Variants in MKRN3 observed in about 807,000 individuals in gnomAD.
MKRN3 encodes the protein makorin ring finger protein 3, also known as E3 ubiquitin-protein ligase makorin-3.
For synonymous variants in MKRN3, 301 were observed against 250.2 expected, an observed-to-expected ratio of 1.20 and a Z score of -1.91; for missense variants, 749 against 667.0, an observed-to-expected ratio of 1.12 and a Z score of -1.35.
chr15:23,567,064 G>A lies in MKRN3; in HGVS notation c.1282G>A (p.Asp428Asn), dbSNP rs772639355. The change falls in exon 1 of 1, where the codon GAT becomes AAT. Residue 428 changes from aspartate to asparagine, a missense_variant. Coordinates refer to ENST00000314520, the MANE Select transcript of MKRN3 (RefSeq NM_005664.4). Reference protein sequence around the residue: ...YKHEYPEGWGDEPPGPGGGSF... With the variant: ...YKHEYPEGWGNEPPGPGGGSF... The stretch of plus-strand genomic sequence containing the variant: ...GCATGAATACCCTGAGGGCTGGGGA[G>A]ATGAGCCTCCTGGGCCAGGTGGTGG... 3.1e-6 allele frequency: 5 copies of A among 1,614,146 alleles called. No individual in the cohort carries two copies. The South Asian group carries it at 5.5e-5, about 18-fold the overall frequency.
In MKRN3 at chr15:23,567,853, C is replaced by T; in HGVS notation, c.*547C>T. On this transcript the variant is annotated 3_prime_UTR_variant, in exon 1 of 1. Transcript: ENST00000314520. ...GTGTATATGTTTACATGTTTTTATC[C>T]TGTTTAGCTTGACATGAAATAATTT... 3 of 979,324 alleles carry T rather than the reference C, an allele frequency of 3.1e-6. No individual in the cohort carries two copies. Among genetic ancestry groups the T allele is most frequent in the South Asian group, 9.6e-5 (2 of 20,838 alleles). The allele number at this position is 979,324 out of a possible 1,614,324, so 60.7% of individuals were successfully genotyped here. A position where few individuals can be genotyped will look rare whatever the true frequency, so the allele number is the denominator to read the frequency against.
Position 23,566,716 on chromosome 15 carries a change from G to A in MKRN3, c.934G>A (p.Gly312Ser). 3.1e-6 allele frequency: 5 copies of A among 1,614,194 alleles called. No individual in the cohort carries two copies. The highest frequency in any genetic ancestry group is 4.2e-6 in the Non-Finnish European group (5 of 1,180,034). Reference protein sequence around the residue: ...AVQRGMDKVCGICMEVVYEKA... With the variant: ...AVQRGMDKVCSICMEVVYEKA... ...GCAGCGTGGTATGGACAAGGTGTGT[G>A]GCATCTGCATGGAGGTTGTCTATGA... The change falls in exon 1 of 1, where the codon GGC (glycine) becomes AGC (serine). Residue 312 changes from glycine (G) to serine (S), a missense_variant. Coordinates refer to ENST00000314520, the MANE Select transcript of MKRN3 (RefSeq NM_005664.4).
In MKRN3 at chr15:23,565,858, G is replaced by T. The variant is rs775658321; in HGVS notation, c.76G>T (p.Gly26Cys). Residue 26 changes from glycine (G) to cysteine (C), a missense_variant, in exon 1 of 1, where the codon GGT (glycine) becomes TGT (cysteine). Coordinates refer to ENST00000314520, the MANE Select transcript of MKRN3 (RefSeq NM_005664.4). ...GGCAGGTGCTGAGGCAGCAAGGGAG[G>T]GTGTGTCTGGGCCGGACCTTCCCGT... Reference protein sequence around the residue: ...AQAGAEAAREGVSGPDLPVCE... With the variant: ...AQAGAEAARECVSGPDLPVCE... 1.2e-5 allele frequency: 20 copies of T among 1,613,672 alleles called. No homozygotes were observed. The highest frequency in any genetic ancestry group is 1.7e-5 in the Admixed American group (1 of 60,004).
In MKRN3 at chr15:23,565,760, C is replaced by T. The variant is rs779542026; in HGVS notation, c.-23C>T. On this transcript the variant is annotated 5_prime_UTR_variant, in exon 1 of 1. Coordinates refer to ENST00000314520, the MANE Select transcript of MKRN3 (RefSeq NM_005664.4). ...AAAAATACCGGAGAGGTTCTGGCAC[C>T]ATTTCGGGGTGCCAAAGCAGCCATG... is the stretch of plus-strand genomic sequence containing the variant. 3.2e-6 allele frequency: 5 copies of T among 1,554,204 alleles called. No individual in the cohort carries two copies. In the African/African-American group the frequency reaches 6.8e-5, roughly 21 times the overall value.
At position 23,566,629 on chromosome 15, in the gene MKRN3, G is replaced by A; in HGVS notation, c.847G>A (p.Glu283Lys). The change falls in exon 1 of 1, where the codon GAA (glutamate) becomes AAA (lysine). Residue 283 changes from glutamate (E) to lysine (K), a missense_variant. By Grantham distance (56) the Glu-to-Lys change is moderately conservative. Transcript: ENST00000314520. ...TLHPMDAAQREEHMRACIEAH... is the reference protein window; with the variant it reads ...TLHPMDAAQRKEHMRACIEAH... ...GCACCCCATGGATGCTGCCCAGAGG[G>A]AAGAACATATGAGGGCCTGCATTGA... is the stretch of plus-strand genomic sequence containing the variant. The A allele has an allele frequency of 6.2e-7, 1 of 1,614,222 alleles. No individual in the cohort carries two copies. Among genetic ancestry groups the A allele is most frequent in the South Asian group, 1.1e-5 (1 of 91,084 alleles).
Position 23,566,197 on chromosome 15 carries a change from G to A in MKRN3, c.415G>A (p.Ala139Thr), listed in dbSNP as rs774020817. Residue 139 changes from alanine to threonine, a missense_variant, in exon 1 of 1, where the codon GCA (alanine) becomes ACA (threonine). Physicochemically the swap from Ala to Thr is moderately conservative, Grantham distance 58. Coordinates refer to ENST00000314520, the MANE Select transcript of MKRN3 (RefSeq NM_005664.4). Reference protein sequence around the residue: ...EGGVSPPGASAGGGPSTAAHI... With the variant: ...EGGVSPPGASTGGGPSTAAHI... ...TGGCGTTTCGCCGCCTGGGGCCTCT[G>A]CAGGTGGAGGCCCTAGCACGGCTGC... The A allele has an allele frequency of 1.9e-6, 3 of 1,613,744 alleles. No homozygotes were observed. The South Asian group carries it at 3.3e-5, about 18-fold the overall frequency.
rs1168833147 is a variant in MKRN3 at position 23,567,190 on chromosome 15, C to T, written c.1408C>T (p.Leu470=). 1.2e-6 allele frequency: 2 copies of T among 1,614,102 alleles called. No individual in the cohort carries two copies. The highest frequency in any genetic ancestry group is 1.3e-5 in the African/African-American group (1 of 74,940). ...TAAGAAGGAGCTTGTCGTGCTTCGG[C>T]TGGCCAGTCTGTTGTTTAAGCGGTT... ...SIKKELVVLR[L]ASLLFKRFLS... is the part of the protein sequence containing the mutation. Residue 470 remains leucine (L), a synonymous_variant, in exon 1 of 1, where the codon CTG becomes TTG. Coordinates refer to ENST00000314520, the MANE Select transcript of MKRN3 (RefSeq NM_005664.4).
Position 23,566,721 on chromosome 15 carries a change from C to T in MKRN3, c.939C>T (p.Ile313=). 6.2e-7 allele frequency: 1 copy of T among 1,614,232 alleles called. No homozygotes were observed. Among genetic ancestry groups the T allele is most frequent in the Non-Finnish European group, 8.5e-7 (1 of 1,180,040 alleles). The stretch of plus-strand genomic sequence containing the variant: ...GTGGTATGGACAAGGTGTGTGGCAT[C>T]TGCATGGAGGTTGTCTATGAGAAGG... The part of the protein sequence containing the change: ...VQRGMDKVCG[I]CMEVVYEKAN... Residue 313 remains isoleucine (I), a synonymous_variant, in exon 1 of 1, where the codon ATC becomes ATT. Coordinates refer to ENST00000314520, the MANE Select transcript of MKRN3 (RefSeq NM_005664.4).
rs536586920 is a variant in MKRN3 at position 23,566,210 on chromosome 15, C to G, written c.428C>G (p.Pro143Arg). 56 of 1,613,540 alleles carry G rather than the reference C, an allele frequency of 3.5e-5. No homozygotes were observed. The highest frequency in any genetic ancestry group is 4.7e-5 in the Non-Finnish European group (56 of 1,180,040). Reference protein sequence around the residue: ...SPPGASAGGGPSTAAHIEPPT... With the variant: ...SPPGASAGGGRSTAAHIEPPT... ...CCTGGGGCCTCTGCAGGTGGAGGCC[C>G]TAGCACGGCTGCGCACATCGAGCCC... is the stretch of plus-strand genomic sequence containing the variant. The change falls in exon 1 of 1, where the codon CCT (proline) becomes CGT (arginine). Residue 143 changes from proline to arginine, a missense_variant. By Grantham distance (103) the Pro-to-Arg change is moderately radical. Transcript: ENST00000314520.
chr15:23,566,358 T>C lies in MKRN3; in HGVS notation c.576T>C (p.Ala192=). 2 of 1,614,180 alleles carry C rather than the reference T, an allele frequency of 1.2e-6. No individual in the cohort carries two copies. The highest frequency in any genetic ancestry group is 1.7e-6 in the Non-Finnish European group (2 of 1,180,032). The change falls in exon 1 of 1, where the codon GCT becomes GCC. Residue 192 remains alanine, a synonymous_variant. Transcript: ENST00000314520. ...GAGACAATGCAGACCGTGGAGCTGC[T>C]GGAGGAGCAGGTGTAGAAAGCTGGG... ...AERDNADRGA[A]GGAGVESWAD... is the part of the protein sequence containing the mutation.
rs1889093961 is a variant in MKRN3 at position 23,566,334 on chromosome 15, A to G, written c.552A>G (p.Arg184=). 1 of 1,614,130 alleles carries G rather than the reference A, an allele frequency of 6.2e-7. No individual in the cohort carries two copies. The highest frequency in any genetic ancestry group is 8.5e-7 in the Non-Finnish European group (1 of 1,180,036). ...AAAGGGGTTTCTTTGAAGCCGAGAG[A>G]GACAATGCAGACCGTGGAGCTGCTG... is the stretch of plus-strand genomic sequence containing the variant. ...AAERGFFEAE[R]DNADRGAAGG... is the part of the protein sequence containing the mutation. The change falls in exon 1 of 1, where the codon AGA becomes AGG. Residue 184 remains arginine, a synonymous_variant. Coordinates refer to ENST00000314520, the MANE Select transcript of MKRN3 (RefSeq NM_005664.4).
In MKRN3 at chr15:23,567,196, A is replaced by G. The variant is rs774454203; in HGVS notation, c.1414A>G (p.Ser472Gly). ...GGAGCTTGTCGTGCTTCGGCTGGCC[A>G]GTCTGTTGTTTAAGCGGTTTCTTTC... ...KKELVVLRLA[S>G]LLFKRFLSLR... Residue 472 changes from serine (S) to glycine (G), a missense_variant, in exon 1 of 1, where the codon AGT (serine) becomes GGT (glycine). By Grantham distance (56) the Ser-to-Gly change is moderately conservative. Transcript: ENST00000314520. 1.5e-5 allele frequency: 24 copies of G among 1,614,222 alleles called. No individual in the cohort carries two copies. Among genetic ancestry groups the G allele is most frequent in the Non-Finnish European group, 1.9e-5 (22 of 1,180,040 alleles).
At position 23,566,865 on chromosome 15, in the gene MKRN3, C is replaced by G; in HGVS notation, c.1083C>G (p.Cys361Trp). ...RQFENRIVKS[C>W]PQCRVTSELV... ...TTGAGAACAGGATCGTCAAGTCTTG[C>G]CCACAGTGCAGGGTCACCTCTGAAT... The change falls in exon 1 of 1, where the codon TGC (cysteine) becomes TGG (tryptophan). Residue 361 changes from cysteine to tryptophan, a missense_variant. Physicochemically the swap from Cys to Trp is radical, Grantham distance 215 (BLOSUM62 -2). Coordinates refer to ENST00000314520, the MANE Select transcript of MKRN3 (RefSeq NM_005664.4). 1 of 1,614,212 alleles carries G rather than the reference C, an allele frequency of 6.2e-7. No homozygotes were observed. Among genetic ancestry groups the G allele is most frequent in the Non-Finnish European group, 8.5e-7 (1 of 1,180,038 alleles).
chr15:23,567,139 G>A lies in MKRN3; in HGVS notation c.1357G>A (p.Glu453Lys), dbSNP rs747510684. ...ACTTGTGGAGCCTGTGCGAATGGGAGAGGGCAACATGCTCTATAAAAGCAT... is the reference window on the plus strand; with the variant it reads ...ACTTGTGGAGCCTGTGCGAATGGGAAAGGGCAACATGCTCTATAAAAGCAT... ...HQLVEPVRMGEGNMLYKSIKK... is the reference protein window; with the variant it reads ...HQLVEPVRMGKGNMLYKSIKK... Residue 453 changes from glutamate (E) to lysine (K), a missense_variant, in exon 1 of 1, where the codon GAG becomes AAG. Glu to Lys is a moderately conservative substitution (Grantham distance 56). Transcript: ENST00000314520. The A allele has an allele frequency of 5.2e-5, 84 of 1,614,104 alleles. No individual in the cohort carries two copies. The South Asian group carries it at 9.1e-4, about 18-fold the overall frequency.
chr15:23,567,196 A>C lies in MKRN3; in HGVS notation c.1414A>C (p.Ser472Arg). The change falls in exon 1 of 1, where the codon AGT (serine) becomes CGT (arginine). Residue 472 changes from serine to arginine, a missense_variant. Transcript: ENST00000314520. The stretch of plus-strand genomic sequence containing the variant: ...GGAGCTTGTCGTGCTTCGGCTGGCC[A>C]GTCTGTTGTTTAAGCGGTTTCTTTC... The part of the protein sequence containing the change: ...KKELVVLRLA[S>R]LLFKRFLSLR... The C allele has an allele frequency of 1.9e-6, 3 of 1,614,222 alleles. No homozygotes were observed. Among genetic ancestry groups the C allele is most frequent in the Non-Finnish European group, 2.5e-6 (3 of 1,180,040 alleles).
At position 23,565,863 on chromosome 15, in the gene MKRN3, G is replaced by T. The variant is rs1889072984; in HGVS notation, c.81G>T (p.Val27=). Residue 27 remains valine, a synonymous_variant, in exon 1 of 1, where the codon GTG becomes GTT. Transcript: ENST00000314520. ...GTGCTGAGGCAGCAAGGGAGGGTGTGTCTGGGCCGGACCTTCCCGTCTGTG... is the reference window on the plus strand; with the variant it reads ...GTGCTGAGGCAGCAAGGGAGGGTGTTTCTGGGCCGGACCTTCCCGTCTGTG... The part of the protein sequence containing the change: ...QAGAEAAREG[V]SGPDLPVCEP... The T allele has an allele frequency of 6.2e-7, 1 of 1,613,742 alleles. No homozygotes were observed. Among genetic ancestry groups the T allele is most frequent in the African/African-American group, 1.3e-5 (1 of 74,938 alleles).
At position 23,565,731 on chromosome 15, in the gene MKRN3, A is replaced by G; in HGVS notation, c.-52A>G. On this transcript the variant is annotated 5_prime_UTR_variant, in exon 1 of 1. Coordinates refer to ENST00000314520, the MANE Select transcript of MKRN3 (RefSeq NM_005664.4). ...CGCCATTCCGGGCCTCAAGCCCATAAAGAAAAAATACCGGAGAGGTTCTGG... is the reference window on the plus strand; with the variant it reads ...CGCCATTCCGGGCCTCAAGCCCATAGAGAAAAAATACCGGAGAGGTTCTGG... 6.8e-7 allele frequency: 1 copy of G among 1,476,108 alleles called. No individual in the cohort carries two copies. The highest frequency in any genetic ancestry group is 1.4e-5 in the South Asian group (1 of 73,560). The allele number at this position is 1,476,108 out of a possible 1,614,324, so 91.4% of individuals were successfully genotyped here.
In MKRN3 at chr15:23,567,594, G is replaced by C; in HGVS notation, c.*288G>C. 1 of 1,201,594 alleles carries C rather than the reference G, an allele frequency of 8.3e-7. No homozygotes were observed. The highest frequency in any genetic ancestry group is 1.0e-6 in the Non-Finnish European group (1 of 957,552). The allele number at this position is 1,201,594 out of a possible 1,614,324, so 74.4% of individuals were successfully genotyped here. ...ACTCAGTTCTAGTGTAGTGTTTACT[G>C]AATTTCCACACTTATTTTGAAGACC... On this transcript the variant is annotated 3_prime_UTR_variant, in exon 1 of 1. Coordinates refer to ENST00000314520, the MANE Select transcript of MKRN3 (RefSeq NM_005664.4).
In MKRN3 at chr15:23,566,308, G is replaced by C; in HGVS notation, c.526G>C (p.Glu176Gln). 6.2e-7 allele frequency: 1 copy of C among 1,614,064 alleles called. No individual in the cohort carries two copies. The highest frequency in any genetic ancestry group is 1.1e-5 in the South Asian group (1 of 91,086). The change falls in exon 1 of 1, where the codon GAA becomes CAA. Residue 176 changes from glutamate to glutamine, a missense_variant. Coordinates refer to ENST00000314520, the MANE Select transcript of MKRN3 (RefSeq NM_005664.4). ...CTTGCCTGTGATTGGCTCGGCTGCT[G>C]AAAGGGGTTTCTTTGAAGCCGAGAG... ...LSLPVIGSAA[E>Q]RGFFEAERDN...
Sources: allele counts gnomAD v4.1 joint callset, GRCh38; gene constraint gnomAD v4.1.1; transcripts MANE v1.5; gene names NCBI Gene and HGNC (gene_info 2026-07-23, HGNC 2026-07-21).